Variants in PHACTR2 observed in about 807,000 individuals in gnomAD.
PHACTR2 encodes chromosome 6 open reading frame 56.
A neutral mutation model predicts 76.0 loss-of-function variants in PHACTR2; 30 were observed. The observed-to-expected ratio is 0.39, with a 90% confidence interval of 0.30 to 0.54. PHACTR2 has a LOEUF of 0.54. PHACTR2 is among the 20% of genes least tolerant of loss of function. The probability of loss-of-function intolerance (pLI) is 0.61; values close to 1 mark genes in which losing one functional copy is unlikely to be tolerated. For missense variants in PHACTR2, 696 were observed against 781.1 expected, an observed-to-expected ratio of 0.89 and a Z score of 1.30; for synonymous variants, 292 against 292.5, an observed-to-expected ratio of 1.00 and a Z score of 0.02.
rs1460986508 is a variant in PHACTR2, at chr6:143,591,174, G to C, written c.217+53967G>C. On this transcript the variant is annotated intron_variant, in intron 1 of 11. Coordinates refer to the PHACTR2 transcript ENST00000367584. This position sits in a 1 kb window ranked among gnomAD's most constrained non-coding sequence, Gnocchi z 6.4. ...CAGCCAAGACATTCCACGTTCATTT[G>C]CTTGGGAATACGTGACAGAGCTGAA... Among the ~76,000 whole-genome samples, 2 of 152,050 alleles carry C rather than the reference G, an allele frequency of 1.3e-5. No individual in the cohort carries two copies. Among genetic ancestry groups the C allele is most frequent in the African/African-American group, 2.4e-5 (1 of 41,384 alleles).
At position 143,772,491 on chromosome 6, in the gene PHACTR2, G is replaced by A. The variant is rs775251256; in HGVS notation, c.1432+34G>A. 2 of 1,512,260 alleles carry A rather than the reference G, an allele frequency of 1.3e-6. No individual in the cohort carries two copies. Among genetic ancestry groups the A allele is most frequent in the Admixed American group, 1.7e-5 (1 of 57,464 alleles). The allele number at this position is 1,512,260 out of a possible 1,614,324, so 93.7% of individuals were successfully genotyped here. On this transcript the variant is annotated intron_variant, in intron 7 of 12. Transcript: ENST00000440869. The surrounding 1 kb of genome is among the most constrained non-coding windows in gnomAD (Gnocchi z 5.4). ...GTTTTCAAGAGGCAGGGAGGAGCGT[G>A]GGTGATAAGCAGAAGCAGCTGCAGT...
rs2128480593 is a variant in PHACTR2, at chr6:143,793,011, TG to T, written c.1845+4103del. 6.6e-6 allele frequency among the ~76,000 whole-genome samples: 1 copy of T among 152,350 alleles called. No homozygotes were observed. Among genetic ancestry groups the T allele is most frequent in the Admixed American group, 6.5e-5 (1 of 15,308 alleles). ...GCAAGATCACAATTGTGGCCAAATT[TG>T]GAAAATACAATTTTCCACACCCACC... On this transcript the variant is annotated intron_variant, in intron 11 of 12. Coordinates refer to ENST00000440869, the MANE Select transcript of PHACTR2 (RefSeq NM_001100164.2). This position sits in a 1 kb window ranked among gnomAD's most constrained non-coding sequence, Gnocchi z 4.4.
rs1775624598 is a variant in PHACTR2 at position 143,585,897 on chromosome 6, C to A, written c.217+48690C>A. Among the ~76,000 whole-genome samples the A allele has an allele frequency of 6.6e-6, 1 of 152,228 alleles. No homozygotes were observed. Among genetic ancestry groups the A allele is most frequent in the Admixed American group, 6.5e-5 (1 of 15,288 alleles). On this transcript the variant is annotated intron_variant, in intron 1 of 11. Transcript: ENST00000367584. The surrounding 1 kb of genome is among the most constrained non-coding windows in gnomAD (Gnocchi z 5.2). Reference sequence around the variant, plus strand: ...GGATTTTAAGCTGGGGCCGCTAGCACTTCATGGCAGGGACACATTATTTTT... The same window carrying A: ...GGATTTTAAGCTGGGGCCGCTAGCAATTCATGGCAGGGACACATTATTTTT...
At chr6:143,771,158 GTA>G (rs1341330418) in intron 6 of PHACTR2, among the ~76,000 whole-genome samples, 808 of 14,412 alleles carry the variant, frequency 0.056, 14 homozygotes, top group Middle Eastern at 0.1. Flanking sequence ...ATATATATAT[GTA>G]TATATATATA....
intron 9 of PHACTR2, among the ~76,000 whole-genome samples, chr6:143,781,813 C>G (rs1775439530): frequency 6.6e-6 from 1 of 152,088 alleles, no homozygotes; most frequent in African/African-American, 2.4e-5. Flanking sequence ...AAATTATAAC[C>G]AAATTTGTTT....
chr6:143,814,595 C>CTT (rs61652528), intron 12 of PHACTR2, among the ~76,000 whole-genome samples: 23 of 108,408 alleles, frequency 2.1e-4, no homozygotes, highest in African/African-American at 3.3e-4. Context: ...GACATACACA[C>CTT]TTTTTTTTTT....
chr6:143,813,250 G>A (rs144619153), intron 12 of PHACTR2, among the ~76,000 whole-genome samples: 10 of 152,238 alleles, frequency 6.6e-5, no homozygotes, highest in Admixed American at 4.6e-4. Context: ...AAAATGAGCC[G>A]CAAGAGATCA....
chr6:143,785,067 C>T (rs1775523612), intron 10 of PHACTR2, among the ~76,000 whole-genome samples: 1 of 152,134 alleles, frequency 6.6e-6, no homozygotes, highest in Non-Finnish European at 1.5e-5. Flanking sequence ...AACAGTCCAC[C>T]AAAGTCTTAA....
chr6:143,585,906 A>T lies in PHACTR2; in HGVS notation c.217+48699A>T, dbSNP rs73780465. 0.021 allele frequency among the ~76,000 whole-genome samples: 3,182 copies of T among 152,334 alleles called. 119 individuals carry two copies. The highest frequency in any genetic ancestry group is 0.069 in the African/African-American group (2,878 of 41,560). ...GCTGGGGCCGCTAGCACTTCATGGC[A>T]GGGACACATTATTTTTCTTCTTTGA... On this transcript the variant is annotated intron_variant, in intron 1 of 11. Transcript: ENST00000367584. This position sits in a 1 kb window ranked among gnomAD's most constrained non-coding sequence, Gnocchi z 5.2.
At chr6:143,559,530 A>G (rs1775230437) in intron 1 of PHACTR2, among the ~76,000 whole-genome samples, 1 of 152,140 alleles carries the variant, frequency 6.6e-6, no homozygotes. Context: ...GTGGAAAGAG[A>G]CAATGAAGGA....
In PHACTR2 at chr6:143,764,008, A is replaced by G. The variant is rs1779497578; in HGVS notation, c.695-1253A>G. The stretch of plus-strand genomic sequence containing the variant: ...TCATAGGAGTTTATTTTATCATCAT[A>G]TATTTACTAAGATGACATAAAGAAA... On this transcript the variant is annotated intron_variant, in intron 5 of 12. Transcript: ENST00000440869. The surrounding 1 kb of genome is among the most constrained non-coding windows in gnomAD (Gnocchi z 4.7). 6.6e-6 allele frequency among the ~76,000 whole-genome samples: 1 copy of G among 152,362 alleles called. No homozygotes were observed. Among genetic ancestry groups the G allele is most frequent in the South Asian group, 2.1e-4 (1 of 4,824 alleles).
rs755019267 is a variant in PHACTR2, at chr6:143,548,248, G to T, written c.217+11041G>T. 6.7e-6 allele frequency among the ~76,000 whole-genome samples: 1 copy of T among 150,344 alleles called. No homozygotes were observed. Among genetic ancestry groups the T allele is most frequent in the Non-Finnish European group, 1.5e-5 (1 of 66,848 alleles). Reference sequence around the variant, plus strand: ...AATGACACTAATTTCATTCATGAAGGTTCCACCCTCAATACCTCATCTAAT... The same window carrying T: ...AATGACACTAATTTCATTCATGAAGTTTCCACCCTCAATACCTCATCTAAT... On this transcript the variant is annotated intron_variant, in intron 1 of 11. Coordinates refer to the PHACTR2 transcript ENST00000367584. The surrounding 1 kb of genome is among the most constrained non-coding windows in gnomAD (Gnocchi z 4.5).
chr6:143,612,687 T>A (rs1775997183), intron 1 of PHACTR2, among the ~76,000 whole-genome samples: 1 of 152,178 alleles, frequency 6.6e-6, no homozygotes, highest in South Asian at 2.1e-4. Flanking sequence ...ATGTGTGGAT[T>A]CTTTATTTAG....
intron 1 of PHACTR2, among the ~76,000 whole-genome samples, chr6:143,594,757 G>GGT (rs1038650365): frequency 4.6e-5 from 7 of 152,238 alleles, no homozygotes; most frequent in Non-Finnish European, 5.9e-5. Flanking sequence ...AGAGTTTGCC[G>GGT]TCCATGGATC....
chr6:143,633,835 A>T lies in PHACTR2; in HGVS notation c.13+25513A>T, dbSNP rs1301224250. Among the ~76,000 whole-genome samples, 3 of 152,106 alleles carry T rather than the reference A, an allele frequency of 2.0e-5. No homozygotes were observed. The highest frequency in any genetic ancestry group is 2.0e-4 in the Admixed American group (3 of 15,258). ...TTTATAAAGGTCTCTGTCTAGATTC[A>T]TTTTTTCGCATTTAGATGTCCAGTT... On this transcript the variant is annotated intron_variant, in intron 1 of 11. Transcript: ENST00000305766. The surrounding 1 kb of genome is among the most constrained non-coding windows in gnomAD (Gnocchi z 4.1).
rs1269184385 is a variant in PHACTR2 at position 143,647,053 on chromosome 6, T to C, written c.13+38731T>C. On this transcript the variant is annotated intron_variant, in intron 1 of 11. Coordinates refer to the PHACTR2 transcript ENST00000305766. The surrounding 1 kb of genome is among the most constrained non-coding windows in gnomAD (Gnocchi z 4.2). ...CTTGCTGTCAGCAGTTACATTTTTTTCTAAGGGGTAAAAAGCACAAACCAG... is the reference window on the plus strand; with the variant it reads ...CTTGCTGTCAGCAGTTACATTTTTTCCTAAGGGGTAAAAAGCACAAACCAG... 6.6e-6 allele frequency among the ~76,000 whole-genome samples: 1 copy of C among 152,208 alleles called. No individual in the cohort carries two copies.
At chr6:143,622,736 TG>T (rs1373186141) in intron 1 of PHACTR2, among the ~76,000 whole-genome samples, 4 of 152,148 alleles carry the variant, frequency 2.6e-5, no homozygotes, top group Non-Finnish European at 4.4e-5. Flanking sequence ...TTGATTTTTT[TG>T]TGTGTGTGTT....
chr6:143,794,809 CCAAA>C lies in PHACTR2; in HGVS notation c.1845+5916_1845+5919del, dbSNP rs201760591. 0.012 allele frequency among the ~76,000 whole-genome samples: 1,790 copies of C among 152,162 alleles called. 21 individuals carry two copies. Among genetic ancestry groups the C allele is most frequent in the Middle Eastern group, 0.044 (13 of 294 alleles). On this transcript the variant is annotated intron_variant, in intron 11 of 12. Coordinates refer to ENST00000440869, the MANE Select transcript of PHACTR2 (RefSeq NM_001100164.2). This position sits in a 1 kb window ranked among gnomAD's most constrained non-coding sequence, Gnocchi z 4.1. ...ACTCCATCTCAAAAACTGAACCAAA[CCAAA>C]CAAACAAACAAACAAAAAATGAGCT...
rs1053762435 is a variant in PHACTR2 at position 143,616,448 on chromosome 6, C to T, written c.13+8126C>T. Among the ~76,000 whole-genome samples, 9 of 152,274 alleles carry T rather than the reference C, an allele frequency of 5.9e-5. No homozygotes were observed. The highest frequency in any genetic ancestry group is 1.3e-4 in the Admixed American group (2 of 15,296). On this transcript the variant is annotated intron_variant, in intron 1 of 11. Transcript: ENST00000305766. This position sits in a 1 kb window ranked among gnomAD's most constrained non-coding sequence, Gnocchi z 4.9. ...CCTCTACATCTACCAGTCTGTTCCA[C>T]GTCTGTTCTGTATCCACAAAAGCAT...
Sources: allele counts gnomAD v4.1 joint callset (sites outside exome capture counted in the v4.1 genomes callset), GRCh38; gene constraint gnomAD v4.1.1; non-coding constraint Gnocchi (gnomAD v3.1); transcripts MANE v1.5; gene names NCBI Gene and HGNC (gene_info 2026-07-23, HGNC 2026-07-21).